Variants in CDYL2 observed in about 807,000 individuals in gnomAD.
The protein encoded by CDYL2 is chromodomain Y like 2.
A neutral mutation model predicts 49.4 loss-of-function variants in CDYL2; 23 were observed. The observed-to-expected ratio is 0.47, with a 90% CI of 0.34 to 0.66. CDYL2 has a LOEUF of 0.66. Among genes scored for constraint, CDYL2 ranks in the 30% least tolerant of loss-of-function variants. CDYL2 has a pLI of 0.01. For missense variants in CDYL2, 678 were observed against 656.4 expected (o/e 1.03, Z -0.36); for synonymous variants, 360 against 268.8 (o/e 1.34, Z -3.32).
chr16:80,664,076 C>CA (rs1234832577), intron 2 of CDYL2, among the ~76,000 whole-genome samples: 4 of 152,136 alleles, frequency 2.6e-5, no homozygotes, highest in African/African-American at 9.7e-5. Context: ...TGTAGGGTAT[C>CA]AAAGTATAAA....
chr16:80,752,614 C>A (rs1906174117), intron 1 of CDYL2, among the ~76,000 whole-genome samples: 1 of 152,136 alleles, frequency 6.6e-6, no homozygotes, highest in South Asian at 2.1e-4. Flanking sequence ...TAAAATACAA[C>A]AAATGCCACT....
chr16:80,769,369 G>A (rs1212680686), intron 1 of CDYL2, among the ~76,000 whole-genome samples: 1 of 152,206 alleles, frequency 6.6e-6, no homozygotes, highest in Non-Finnish European at 1.5e-5. Flanking sequence ...CTCACTATAT[G>A]CAAGTAACTA....
chr16:80,754,456 G>A (rs900384147), intron 1 of CDYL2, among the ~76,000 whole-genome samples: 19 of 152,202 alleles, frequency 1.2e-4, no homozygotes, highest in South Asian at 2.1e-4. Context: ...TTTCTGCAGA[G>A]GAACTTTCCG....
chr16:80,804,075 G>C, intron 1 of CDYL2, 75 bp downstream of exon 1: 1 of 941,280 alleles, frequency 1.1e-6, no homozygotes, highest in Non-Finnish European at 1.3e-6. Context: ...GCCCCGGCCC[G>C]GTCCCCGCCG....
intron 1 of CDYL2, among the ~76,000 whole-genome samples, chr16:80,780,356 G>T (rs1210322394): frequency 6.7e-6 from 1 of 149,678 alleles, no homozygotes; most frequent in African/African-American, 2.5e-5. Context: ...AACAGGATAT[G>T]CAAGGCTGTA....
At chr16:80,676,786 T>C (rs1909760244) in intron 2 of CDYL2, among the ~76,000 whole-genome samples, 2 of 152,042 alleles carry the variant, frequency 1.3e-5, no homozygotes, top group South Asian at 2.1e-4. Context: ...GAGTTGGGAG[T>C]ATTTTCCCAT....
intron 2 of CDYL2, among the ~76,000 whole-genome samples, chr16:80,660,534 A>C (rs1200546129): frequency 6.6e-6 from 1 of 152,330 alleles, no homozygotes; most frequent in Non-Finnish European, 1.5e-5. Context: ...AAAAGCATTA[A>C]AAGGTCAGAA....
chr16:80,693,774 CA>C (rs756293984), intron 1 of CDYL2, among the ~76,000 whole-genome samples: 1 of 152,046 alleles, frequency 6.6e-6, no homozygotes, highest in Admixed American at 6.6e-5. Flanking sequence ...GTACATTTGT[CA>C]AAAACCACAG....
chr16:80,645,781 T>C (rs1268556222), intron 2 of CDYL2, among the ~76,000 whole-genome samples: 2 of 151,878 alleles, frequency 1.3e-5, no homozygotes, highest in African/African-American at 4.8e-5. Flanking sequence ...GTGGCACATA[T>C]ACACCATGGA....
At chr16:80,694,930 G>T (rs970513268) in intron 1 of CDYL2, among the ~76,000 whole-genome samples, 1 of 152,204 alleles carries the variant, frequency 6.6e-6, no homozygotes, top group Non-Finnish European at 1.5e-5. Context: ...AAGAGCTCCC[G>T]ATGGCCAAAA....
intron 2 of CDYL2, among the ~76,000 whole-genome samples, chr16:80,643,392 A>T (rs1343304428): frequency 1.3e-5 from 2 of 152,186 alleles, no homozygotes; most frequent in African/African-American, 4.8e-5. Flanking sequence ...GGTGCCCAGC[A>T]CAAGCTGTCA....
chr16:80,685,156 A>C, intron 1 of CDYL2, 27 bp from the exon 2 acceptor site: 1 of 1,561,668 alleles, frequency 6.4e-7, no homozygotes, highest in Non-Finnish European at 8.7e-7. Context: ...GAGGGTCAGA[A>C]AACAGAGAGA....
intron 1 of CDYL2, among the ~76,000 whole-genome samples, chr16:80,784,071 A>G (rs548017896): frequency 6.6e-6 from 1 of 152,378 alleles, no homozygotes; most frequent in South Asian, 2.1e-4. Flanking sequence ...TTACCACAAT[A>G]AAAAGTAGTA....
intron 1 of CDYL2, among the ~76,000 whole-genome samples, chr16:80,700,426 G>A: frequency 6.6e-6 from 1 of 152,112 alleles, no homozygotes; most frequent in East Asian, 1.9e-4. Context: ...ATTCACATTT[G>A]CAACAAAAGA....
chr16:80,752,625 C>G (rs990986389), intron 1 of CDYL2, among the ~76,000 whole-genome samples: 3 of 152,192 alleles, frequency 2.0e-5, no homozygotes, highest in African/African-American at 7.2e-5. Context: ...AAATGCCACT[C>G]AGAATTATTT....
intron 1 of CDYL2, among the ~76,000 whole-genome samples, chr16:80,778,688 C>T (rs1208137512): frequency 6.6e-6 from 1 of 151,810 alleles, no homozygotes; most frequent in Non-Finnish European, 1.5e-5. Context: ...AAAGAAGTAC[C>T]TCATCTGAAA....
intron 1 of CDYL2, among the ~76,000 whole-genome samples, chr16:80,728,216 GTA>G (rs1475508815): frequency 1.3e-5 from 2 of 151,978 alleles, no homozygotes; most frequent in Admixed American, 1.3e-4. Context: ...TTAGACGAAT[GTA>G]TAACTAGAAT....
At chr16:80,760,407 AC>A (rs1906485359) in intron 1 of CDYL2, among the ~76,000 whole-genome samples, 1 of 152,136 alleles carries the variant, frequency 6.6e-6, no homozygotes, top group Non-Finnish European at 1.5e-5. Context: ...AATGAATAAG[AC>A]CTACTATTTG....
chr16:80,681,817 TCA>T (rs1909978194), intron 2 of CDYL2, among the ~76,000 whole-genome samples: 1 of 152,238 alleles, frequency 6.6e-6, no homozygotes, highest in Non-Finnish European at 1.5e-5. Flanking sequence ...CTGGCAAGTT[TCA>T]GAGGGAAGCT....
Sources: allele counts gnomAD v4.1 joint callset (sites outside exome capture counted in the v4.1 genomes callset), GRCh38; gene constraint gnomAD v4.1.1; transcripts MANE v1.5; gene names NCBI Gene and HGNC (gene_info 2026-07-23, HGNC 2026-07-21).